Variants in TMEFF2 observed in about 807,000 individuals in gnomAD.
The protein encoded by TMEFF2 is tomoregulin-2.
Under a neutral mutation model 53.8 loss-of-function variants are expected in TMEFF2, and 28 were observed. The observed-to-expected ratio is 0.52, with a 90% confidence interval of 0.39 to 0.71. The LOEUF (loss-of-function observed/expected upper bound fraction) is 0.71, where lower values mean the gene tolerates loss of function less well. TMEFF2 is among the 30% of genes least tolerant of loss of function. The pLI is 0.00. For synonymous variants in TMEFF2, 162 were observed against 166.3 expected, an observed-to-expected ratio of 0.97 and a Z score of 0.20; for missense variants, 353 against 455.2, an observed-to-expected ratio of 0.78 and a Z score of 2.04.
chr2:192,166,354 C>G (rs1690766012), intron 4 of TMEFF2, among the ~76,000 whole-genome samples: 2 of 152,084 alleles, frequency 1.3e-5, no homozygotes, highest in Admixed American at 6.6e-5. Context: ...TGACTTTCTT[C>G]TTTGAAATGT....
At chr2:191,970,258 G>A (rs1364245246) in intron 7 of TMEFF2, among the ~76,000 whole-genome samples, 1 of 151,802 alleles carries the variant, frequency 6.6e-6, no homozygotes, top group Non-Finnish European at 1.5e-5. Context: ...CTAGTGATTG[G>A]TAAAATAATG....
intron 4 of TMEFF2, among the ~76,000 whole-genome samples, chr2:192,113,129 CTTAAAA>C (rs374258938): frequency 7.2e-4 from 109 of 152,200 alleles, no homozygotes; most frequent in African/African-American, 2.3e-3. Flanking sequence ...TGTAGAGGCA[CTTAAAA>C]TTAATATTAT....
chr2:192,085,084 G>A (rs897682110), intron 4 of TMEFF2, among the ~76,000 whole-genome samples: 6 of 152,144 alleles, frequency 3.9e-5, no homozygotes, highest in African/African-American at 1.2e-4. Flanking sequence ...TATTCAGGAT[G>A]TAACGCTTCT....
chr2:191,986,540 A>G (rs1574267645), intron 7 of TMEFF2, among the ~76,000 whole-genome samples: 1 of 142,664 alleles, frequency 7.0e-6, no homozygotes, highest in African/African-American at 2.6e-5. Context: ...TCACATTTCT[A>G]TTTTGGGACA....
intron 7 of TMEFF2, among the ~76,000 whole-genome samples, chr2:191,977,353 C>G (rs562273954): frequency 3.5e-4 from 53 of 152,356 alleles, no homozygotes; most frequent in South Asian, 8.3e-4. Context: ...CTGCTATGCT[C>G]TCACCTATGG....
chr2:192,039,008 C>T (rs1025610214), intron 5 of TMEFF2, among the ~76,000 whole-genome samples: 1 of 152,062 alleles, frequency 6.6e-6, no homozygotes, highest in Non-Finnish European at 1.5e-5. Flanking sequence ...ACTTTATTGC[C>T]ATGTGGTTTT....
At position 192,194,247 on chromosome 2, in the gene TMEFF2, T is replaced by C. The variant is rs1574453394; in HGVS notation, c.172+106A>G. On this transcript the variant is annotated intron_variant, in intron 1 of 9. Transcript: ENST00000272771. This position sits in a 1 kb window ranked among gnomAD's most constrained non-coding sequence, Gnocchi z 4.2. ...GGGTGGTATTAGGGGTCTAGGGCAG[T>C]AGGAGGTGAGGGGCTGAGGAGGCGC... 6.8e-6 allele frequency: 9 copies of C among 1,329,726 alleles called. No individual in the cohort carries two copies. In the East Asian group the frequency reaches 2.1e-4, roughly 31 times the overall value. The allele number at this position is 1,329,726 out of a possible 1,614,324, so 82.4% of individuals were successfully genotyped here. A position where few individuals can be genotyped will look rare whatever the true frequency, so the allele number is the denominator to read the frequency against.
chr2:192,141,778 T>C (rs1004971693), intron 4 of TMEFF2, among the ~76,000 whole-genome samples: 2 of 152,120 alleles, frequency 1.3e-5, no homozygotes, highest in Non-Finnish European at 2.9e-5. Context: ...AGTGGATAAG[T>C]TGGACAAAAC....
intron 4 of TMEFF2, among the ~76,000 whole-genome samples, chr2:192,134,909 A>C (rs1689961317): frequency 6.6e-6 from 1 of 152,186 alleles, no homozygotes; most frequent in Non-Finnish European, 1.5e-5. Flanking sequence ...ATGGTCTATT[A>C]AAAACACACC....
chr2:192,049,153 A>ATGTGTGTG (rs56231804), intron 5 of TMEFF2, among the ~76,000 whole-genome samples: 60,172 of 151,278 alleles, frequency 0.4, 11,922 homozygotes, highest in Non-Finnish European at 0.43. Flanking sequence ...CATTTGGTCT[A>ATGTGTGTG]TGTGTGTGTG....
chr2:192,174,569 A>G (rs978792126), intron 4 of TMEFF2, among the ~76,000 whole-genome samples: 2 of 151,794 alleles, frequency 1.3e-5, no homozygotes, highest in African/African-American at 4.8e-5. Flanking sequence ...GAGCTGAGAT[A>G]AGATTTCAAT....
chr2:192,077,769 T>C (rs1688465482), intron 4 of TMEFF2, among the ~76,000 whole-genome samples: 1 of 151,894 alleles, frequency 6.6e-6, no homozygotes, highest in Non-Finnish European at 1.5e-5. Context: ...TGTTCATATA[T>C]ACTTGTACAC....
intron 5 of TMEFF2, among the ~76,000 whole-genome samples, chr2:192,009,953 G>C (rs1686586990): frequency 6.6e-6 from 1 of 152,082 alleles, no homozygotes; most frequent in Non-Finnish European, 1.5e-5. Context: ...TATCAACCTT[G>C]GTAAATAGTT....
chr2:192,058,128 G>A (rs1687955686), intron 4 of TMEFF2, among the ~76,000 whole-genome samples: 1 of 152,130 alleles, frequency 6.6e-6, no homozygotes, highest in African/African-American at 2.4e-5. Context: ...GAGATCTACT[G>A]TCTATTTTAC....
chr2:192,192,400 T>A (rs1691484028), intron 1 of TMEFF2, among the ~76,000 whole-genome samples: 1 of 152,170 alleles, frequency 6.6e-6, no homozygotes, highest in African/African-American at 2.4e-5. Context: ...CTTTTACCAT[T>A]TCCCCATCTT....
chr2:191,962,707 CA>C (rs1394978843), intron 7 of TMEFF2, among the ~76,000 whole-genome samples: 3 of 152,308 alleles, frequency 2.0e-5, no homozygotes, highest in African/African-American at 4.8e-5. Flanking sequence ...TTTGGCATAA[CA>C]AGGCTCATGT....
chr2:192,102,131 T>C (rs1301066960), intron 4 of TMEFF2, among the ~76,000 whole-genome samples: 11 of 152,120 alleles, frequency 7.2e-5, no homozygotes, highest in Admixed American at 7.2e-4. Flanking sequence ...GGGAGAGGTA[T>C]ATAAAACACT....
intron 4 of TMEFF2, among the ~76,000 whole-genome samples, chr2:192,068,815 G>T (rs1459615286): frequency 2.0e-5 from 3 of 151,624 alleles, no homozygotes; most frequent in Non-Finnish European, 2.9e-5. Flanking sequence ...AACTTATTTG[G>T]TATAAATAGA....
intron 4 of TMEFF2, among the ~76,000 whole-genome samples, chr2:192,138,080 A>G (rs1690053871): frequency 6.6e-6 from 1 of 152,072 alleles, no homozygotes; most frequent in Admixed American, 6.6e-5. Flanking sequence ...TGGCCTCCCA[A>G]AGTGCTGGGA....
Sources: allele counts gnomAD v4.1 joint callset (sites outside exome capture counted in the v4.1 genomes callset), GRCh38; gene constraint gnomAD v4.1.1; non-coding constraint Gnocchi (gnomAD v3.1); transcripts MANE v1.5; gene names NCBI Gene and HGNC (gene_info 2026-07-23, HGNC 2026-07-21).